RGS7: variants seen among roughly 807,000 people sequenced by gnomAD.
RGS7 encodes regulator of G protein signaling 7, also known as regulator of G-protein signaling 7.
In RGS7, 27 loss-of-function variants were observed where a neutral mutation model predicts 81.1. The observed-to-expected ratio is 0.33, with a 90% CI of 0.25 to 0.46. The LOEUF is 0.46. Among genes scored for constraint, RGS7 ranks in the 20% least tolerant of loss-of-function variants. The probability of loss-of-function intolerance (pLI) is 1.00; values close to 1 mark genes in which losing one functional copy is unlikely to be tolerated. For synonymous variants in RGS7, 208 were observed against 207.7 expected, an observed-to-expected ratio of 1.00 and a Z score of -0.01; for missense variants, 396 against 607.4, an observed-to-expected ratio of 0.65 and a Z score of 3.66.
At chr1:241,047,636 T>G (rs896636446) in intron 3 of RGS7, among the ~76,000 whole-genome samples, 1 of 152,134 alleles carries the variant, frequency 6.6e-6, no homozygotes, top group Non-Finnish European at 1.5e-5. Flanking sequence ...AAAGGAAATG[T>G]TCTCCTATCA....
At chr1:241,026,913 G>A (rs1048076066) in intron 3 of RGS7, among the ~76,000 whole-genome samples, 2 of 151,752 alleles carry the variant, frequency 1.3e-5, no homozygotes, top group South Asian at 4.2e-4. Flanking sequence ...AAAGGAAAGG[G>A]TTTTGTACGC....
chr1:241,302,155 G>C (rs1201209676), intron 2 of RGS7, among the ~76,000 whole-genome samples: 1 of 152,224 alleles, frequency 6.6e-6, no homozygotes, highest in African/African-American at 2.4e-5. Flanking sequence ...AGCCAGCGTA[G>C]AGGCCCTGAG....
downstream of RGS7, among the ~76,000 whole-genome samples, chr1:240,775,145 T>C (rs1682776479): frequency 6.6e-6 from 1 of 152,236 alleles, no homozygotes. Context: ...TTTAGAATTG[T>C]GTTTTAAAGA....
chr1:241,075,534 T>C (rs756293659), intron 3 of RGS7, among the ~76,000 whole-genome samples: 9 of 152,088 alleles, frequency 5.9e-5, no homozygotes, highest in Admixed American at 3.3e-4. Flanking sequence ...CTGAGCCACA[T>C]TGGAAGAAGA....
chr1:241,079,057 T>C (rs915094034), intron 3 of RGS7, among the ~76,000 whole-genome samples: 3 of 152,216 alleles, frequency 2.0e-5, no homozygotes, highest in African/African-American at 7.2e-5. Context: ...TTGAAACTTG[T>C]ATTTAATTTC....
At chr1:240,943,224 A>G (rs1677903618) in intron 4 of RGS7, among the ~76,000 whole-genome samples, 1 of 152,224 alleles carries the variant, frequency 6.6e-6, no homozygotes, top group African/African-American at 2.4e-5. Flanking sequence ...AAAGGAGCAG[A>G]GTACAAAGGC....
intron 2 of RGS7, among the ~76,000 whole-genome samples, chr1:241,343,045 G>A (rs946694856): frequency 1.8e-4 from 27 of 152,018 alleles, no homozygotes; most frequent in Non-Finnish European, 7.4e-5. Context: ...GGAGGATGAC[G>A]AGGTCAGGAG....
At chr1:240,982,816 G>A (rs895287215) in intron 4 of RGS7, among the ~76,000 whole-genome samples, 4 of 152,154 alleles carry the variant, frequency 2.6e-5, no homozygotes, top group African/African-American at 7.2e-5. Flanking sequence ...GTATACAGCT[G>A]ATCCAGTCTA....
At chr1:240,954,557 A>AG (rs1553364905) in intron 4 of RGS7, among the ~76,000 whole-genome samples, 1 of 36,716 alleles carries the variant, frequency 2.7e-5, no homozygotes, top group Non-Finnish European at 7.7e-5. Flanking sequence ...TCCATGTAAA[A>AG]GAAAAAAAAA....
At chr1:241,061,213 TG>T (rs1378356354) in intron 3 of RGS7, among the ~76,000 whole-genome samples, 2 of 152,226 alleles carry the variant, frequency 1.3e-5, no homozygotes, top group African/African-American at 4.8e-5. Flanking sequence ...GCAATTATAA[TG>T]ATGAATGAGT....
intron 9 of RGS7, among the ~76,000 whole-genome samples, chr1:240,839,527 A>G (rs1695266018): frequency 6.6e-6 from 1 of 152,210 alleles, no homozygotes; most frequent in South Asian, 2.1e-4. Flanking sequence ...CATATCATAG[A>G]AGCCAATTAA....
chr1:241,318,848 A>G (rs1011263300), intron 2 of RGS7, among the ~76,000 whole-genome samples: 7 of 152,260 alleles, frequency 4.6e-5, no homozygotes, highest in African/African-American at 1.7e-4. Context: ...TTTAATCATT[A>G]TAAAGCAATA....
chr1:240,799,567 A>G (rs1000014822), intron 18 of RGS7, among the ~76,000 whole-genome samples: 1 of 152,128 alleles, frequency 6.6e-6, no homozygotes, highest in Non-Finnish European at 1.5e-5. Context: ...AAGCTCTACC[A>G]TGGATATCCA....
At chr1:241,167,317 GTTC>G (rs1373497637) in intron 2 of RGS7, among the ~76,000 whole-genome samples, 1 of 152,100 alleles carries the variant, frequency 6.6e-6, no homozygotes, top group African/African-American at 2.4e-5. Context: ...TCCAGTATTC[GTTC>G]TTCTCATCTT....
intron 3 of RGS7, among the ~76,000 whole-genome samples, chr1:241,086,841 G>A (rs760006130): frequency 1.3e-4 from 20 of 152,004 alleles, no homozygotes; most frequent in Non-Finnish European, 2.6e-4. Context: ...CCCAGAGCTC[G>A]CCAGACCCTT....
At chr1:241,073,029 C>T (rs2062570392) in intron 3 of RGS7, among the ~76,000 whole-genome samples, 2 of 152,116 alleles carry the variant, frequency 1.3e-5, no homozygotes, top group African/African-American at 2.4e-5. Context: ...AGCCCTGTTC[C>T]TCAATCTCAT....
intron 9 of RGS7, among the ~76,000 whole-genome samples, chr1:240,841,177 T>C (rs1023470386): frequency 6.6e-6 from 1 of 152,200 alleles, no homozygotes; most frequent in Non-Finnish European, 1.5e-5. Flanking sequence ...AAATAGCAGA[T>C]TGCTTCCAGA....
At chr1:241,129,559 G>A (rs532381792) in intron 2 of RGS7, among the ~76,000 whole-genome samples, 1 of 152,236 alleles carries the variant, frequency 6.6e-6, no homozygotes, top group East Asian at 1.9e-4. Context: ...AATCTCTTTA[G>A]GTCACAACAG....
intron 2 of RGS7, among the ~76,000 whole-genome samples, chr1:241,195,791 A>G (rs1380125746): frequency 1.3e-5 from 2 of 152,058 alleles, no homozygotes; most frequent in Non-Finnish European, 2.9e-5. Context: ...AATATTGAGA[A>G]CAAAAGAGGG....
Sources: gnomAD v4.1 joint callset for allele counts (sites outside exome capture counted in the v4.1 genomes callset) on GRCh38, gnomAD v4.1.1 for gene constraint, MANE v1.5 for transcripts, NCBI Gene and HGNC (gene_info 2026-07-23, HGNC 2026-07-21) for gene names.